Variants in XPO7 observed in about 807,000 individuals in gnomAD.
XPO7 encodes exportin 7, also known as exportin-7.
XPO7 carries 21 observed loss-of-function variants against 144.3 expected under a neutral mutation model. The observed-to-expected ratio is 0.15, with a 90% CI of 0.10 to 0.21. XPO7 has a LOEUF of 0.21. XPO7 is among the 10% of genes least tolerant of loss of function. The probability of loss-of-function intolerance (pLI) is 1.00; values close to 1 mark genes in which losing one functional copy is unlikely to be tolerated. For missense variants in XPO7, 808 were observed against 1,325.8 expected (o/e 0.61, Z 6.06); for synonymous variants, 580 against 499.6 (o/e 1.16, Z -2.15).
rs775694727 is a variant in XPO7, at chr8:21,990,865, C to T, written c.1987C>T (p.Arg663Trp). ...INNQSNLTDM[R>W]CRTTFYTALG... is the part of the protein sequence containing the mutation. ...CAATCAGTCCAACCTGACAGACATG[C>T]GGTGTCGGACTACCTTCTACACAGC... The change falls in exon 18 of 28, where the codon CGG becomes TGG. Residue 663 changes from arginine to tryptophan, a missense_variant. Arg to Trp is a moderately radical substitution (Grantham distance 101). Transcript: ENST00000252512. The T allele has an allele frequency of 1.9e-6, 3 of 1,613,914 alleles. No individual in the cohort carries two copies. The highest frequency in any genetic ancestry group is 2.2e-5 in the East Asian group (1 of 44,872).
At position 21,965,268 on chromosome 8, in the gene XPO7, C is replaced by G. The variant is rs566639179; in HGVS notation, c.19-1589C>G. 3.3e-5 allele frequency among the ~76,000 whole-genome samples: 5 copies of G among 151,790 alleles called. No individual in the cohort carries two copies. The East Asian group carries it at 9.7e-4, about 29-fold the overall frequency. ...GTGAGTGGTTATAATTAAACTGATT[C>G]AATTCTCAATAAGGTCTTGAGCAGT... On this transcript the variant is annotated intron_variant, in intron 1 of 27. Transcript: ENST00000252512.
At chr8:21,920,594 C>T (rs1810247441) in intron 1 of XPO7, among the ~76,000 whole-genome samples, 1 of 152,176 alleles carries the variant, frequency 6.6e-6, no homozygotes, top group Non-Finnish European at 1.5e-5. Flanking sequence ...TGGGGCCAGG[C>T]CACTCTCCTC....
intron 8 of XPO7, among the ~76,000 whole-genome samples, chr8:21,979,039 A>G (rs1812316957): frequency 1.3e-5 from 2 of 152,142 alleles, no homozygotes; most frequent in African/African-American, 4.8e-5. Flanking sequence ...ACAGAGGGAA[A>G]TGTCTTCAGG....
intron 1 of XPO7, among the ~76,000 whole-genome samples, chr8:21,932,352 G>A (rs1044041609): frequency 5.9e-5 from 9 of 152,212 alleles, no homozygotes; most frequent in Admixed American, 5.2e-4. Flanking sequence ...TCTGTGGGGC[G>A]TGTACGTCAA....
intron 12 of XPO7, 24 bp downstream of exon 12, chr8:21,984,863 C>T (rs778449264): frequency 5.6e-6 from 9 of 1,610,784 alleles, no homozygotes; most frequent in Non-Finnish European, 7.6e-6. Flanking sequence ...GTGCTGGGAA[C>T]TCTAGACCTG....
At chr8:21,974,004 A>G (rs1468869590) in intron 5 of XPO7, among the ~76,000 whole-genome samples, 4 of 151,962 alleles carry the variant, frequency 2.6e-5, no homozygotes, top group African/African-American at 9.7e-5. Context: ...TTCAGCGTTG[A>G]GGGTTTTTTT....
chr8:21,935,191 A>G (rs983367397), intron 1 of XPO7, among the ~76,000 whole-genome samples: 3 of 152,130 alleles, frequency 2.0e-5, no homozygotes, highest in African/African-American at 4.8e-5. Flanking sequence ...TGACTACTCT[A>G]TGATTAGTAC....
intron 27 of XPO7, 44 bp from the exon 28 acceptor site, chr8:22,004,951 C>A: frequency 3.8e-5 from 20 of 531,544 alleles, no homozygotes; most frequent in Non-Finnish European, 6.5e-5. Context: ...AAATACCTTT[C>A]CCCCCCACTC....
In XPO7 at chr8:21,982,886, T is replaced by C. The variant is rs980157127; in HGVS notation, c.1277+74T>C. Reference sequence around the variant, plus strand: ...CACTTCCTAGAGATCAGACACCCCATTGGCAAAGAGGTACTCGAAGCGTGT... The same window carrying C: ...CACTTCCTAGAGATCAGACACCCCACTGGCAAAGAGGTACTCGAAGCGTGT... On this transcript the variant is annotated intron_variant, in intron 11 of 27. Coordinates refer to ENST00000252512, the MANE Select transcript of XPO7 (RefSeq NM_015024.5). 20 of 1,499,694 alleles carry C rather than the reference T, an allele frequency of 1.3e-5. No individual in the cohort carries two copies. The African/African-American group carries it at 2.0e-4, about 15-fold the overall frequency. The allele number at this position is 1,499,694 out of a possible 1,614,324, so 92.9% of individuals were successfully genotyped here.
rs1335467072 is a variant in XPO7, at chr8:21,990,379, C to T, written c.1904C>T (p.Ala635Val). The T allele has an allele frequency of 2.5e-6, 4 of 1,613,746 alleles. No homozygotes were observed. Among genetic ancestry groups the T allele is most frequent in the Non-Finnish European group, 3.4e-6 (4 of 1,179,762 alleles). The change falls in exon 17 of 28, where the codon GCG (alanine) becomes GTG (valine). Residue 635 changes from alanine (A) to valine (V), a missense_variant. Ala to Val is a moderately conservative substitution (Grantham distance 64, BLOSUM62 0). Around this residue, in one of 5 missense-constraint regions of XPO7, gnomAD observed 416 missense variants for 612.5 expected, o/e 0.68. Coordinates refer to ENST00000252512, the MANE Select transcript of XPO7 (RefSeq NM_015024.5). ...GTAAGGAAGCTAGTGAAGCTTAGTG[C>T]GGTACAGTTCATGCTGAACAATCAC... Reference protein sequence around the residue: ...SSVRKLVKLSAVQFMLNNHTS... With the variant: ...SSVRKLVKLSVVQFMLNNHTS...
chr8:21,927,142 G>T (rs941062564), intron 1 of XPO7, among the ~76,000 whole-genome samples: 1 of 152,058 alleles, frequency 6.6e-6, no homozygotes, highest in Non-Finnish European at 1.5e-5. Flanking sequence ...CCAGCTACTG[G>T]GGGGGAGGCT....
intron 1 of XPO7, among the ~76,000 whole-genome samples, chr8:21,959,103 T>C (rs1187668108): frequency 1.3e-5 from 2 of 152,212 alleles, no homozygotes; most frequent in Non-Finnish European, 2.9e-5. Flanking sequence ...ATGGATTTGA[T>C]GATTACAAAT....
intron 1 of XPO7, among the ~76,000 whole-genome samples, chr8:21,952,959 T>A (rs1811419709): frequency 6.6e-6 from 1 of 152,120 alleles, no homozygotes; most frequent in South Asian, 2.1e-4. Context: ...CAGTTTTAGG[T>A]TTATAGAAAA....
rs78041368 is a variant in XPO7, at chr8:21,987,092, T to G, written c.1578-49T>G. 3.8e-4 allele frequency: 607 copies of G among 1,610,916 alleles called. 2 individuals carry two copies. In the Admixed American group the frequency reaches 6.8e-3, roughly 18 times the overall value. ...TCAAGATAGCTTGGGTTGTCTAGAG[T>G]AAACAGGATGTCCTGCTGTTGAGAG... On this transcript the variant is annotated intron_variant, in intron 13 of 27. Coordinates refer to ENST00000252512, the MANE Select transcript of XPO7 (RefSeq NM_015024.5).
chr8:21,921,006 G>C (rs1179941313), intron 1 of XPO7, among the ~76,000 whole-genome samples: 1 of 152,138 alleles, frequency 6.6e-6, no homozygotes, highest in African/African-American at 2.4e-5. Context: ...GTAGATCTTC[G>C]GAGTGTGCGG....
chr8:21,942,960 G>A (rs565050755), intron 1 of XPO7, among the ~76,000 whole-genome samples: 25 of 152,290 alleles, frequency 1.6e-4, no homozygotes, highest in Non-Finnish European at 2.8e-4. Context: ...GCACTTTGAT[G>A]CTACTGCCTT....
At chr8:21,952,074 T>G (rs17060675) in intron 1 of XPO7, among the ~76,000 whole-genome samples, 2,261 of 152,330 alleles carry the variant, frequency 0.015, 64 homozygotes, top group African/African-American at 0.052. Flanking sequence ...GCCTGCTTTC[T>G]TCCTTTGTGA....
chr8:21,990,602 G>A, intron 17 of XPO7, 195 bp downstream of exon 17: 1 of 733,122 alleles, frequency 1.4e-6, no homozygotes, highest in Admixed American at 2.7e-5. Context: ...GTGAGTTATG[G>A]TGAAGTCACC....
intron 1 of XPO7, among the ~76,000 whole-genome samples, chr8:21,925,608 A>C (rs1810434295): frequency 6.6e-6 from 1 of 152,176 alleles, no homozygotes; most frequent in South Asian, 2.1e-4. Context: ...TACCAGTATT[A>C]ACTGAGTGTC....
Sources: allele counts gnomAD v4.1 joint callset (sites outside exome capture counted in the v4.1 genomes callset), GRCh38; gene constraint gnomAD v4.1.1; regional missense constraint gnomAD v4.1.1; transcripts MANE v1.5; gene names NCBI Gene and HGNC (gene_info 2026-07-23, HGNC 2026-07-21).